The following MYOZ3 variants were observed in gnomAD, a reference collection of about 807,000 sequenced individuals.
MYOZ3 encodes myozenin-3.
A neutral mutation model predicts 26.5 loss-of-function variants in MYOZ3; 19 were observed. That is an observed-to-expected ratio of 0.72 (90% CI 0.50 to 1.05). The LOEUF (loss-of-function observed/expected upper bound fraction) is 1.05, where lower values mean the gene tolerates loss of function less well. Ranked by LOEUF, MYOZ3 falls within the 50% of genes least tolerant of loss-of-function variation. MYOZ3 has a pLI of 0.00. For synonymous variants in MYOZ3, 135 were observed against 138.8 expected (o/e 0.97, Z 0.19); for missense variants, 322 against 337.1 (o/e 0.96, Z 0.35).
Position 150,671,692 on chromosome 5 carries a change from AG to A in MYOZ3, c.270+46del, listed in dbSNP as rs778149821. On this transcript the variant is annotated intron_variant, in intron 4 of 6. Transcript: ENST00000517768. ...GCTCCCTGGAAGGGAAGCTGGGGGA[AG>A]GGGAGCGCGGCTGGGGGCGGGAGGT... 3 of 1,608,536 alleles carry A rather than the reference AG, an allele frequency of 1.9e-6. No individual in the cohort carries two copies. In the South Asian group the frequency reaches 3.3e-5, roughly 18 times the overall value.
Position 150,677,210 on chromosome 5 carries a change from T to A in MYOZ3, c.*335T>A, listed in dbSNP as rs556852241. ...ACTTTGGGAGGCCGAGGCAGGAGGA[T>A]CACCTGAGGTCAGGAGTTTGAGACC... On this transcript the variant is annotated 3_prime_UTR_variant, in exon 7 of 7. Coordinates refer to ENST00000517768, the MANE Select transcript of MYOZ3 (RefSeq NM_001122853.3). The A allele has an allele frequency of 4.8e-5, 9 of 189,320 alleles. No individual in the cohort carries two copies. The highest frequency in any genetic ancestry group is 8.8e-5 in the Non-Finnish European group (8 of 91,230). The allele number at this position is 189,320 out of a possible 1,614,324, so 11.7% of individuals were successfully genotyped here.
rs116090320 is a variant in MYOZ3 at position 150,678,851 on chromosome 5, A to G, written c.*1976A>G. 11,269 of 152,460 alleles carry G rather than the reference A, an allele frequency of 0.074. 554 individuals are homozygous for G. Among genetic ancestry groups the G allele is most frequent in the Middle Eastern group, 0.12 (36 of 296 alleles). 9.4% of individuals were successfully genotyped at this position (152,460 alleles called of 1,614,324 possible). A position where few individuals can be genotyped will look rare whatever the true frequency, so the allele number is the denominator to read the frequency against. Reference sequence around the variant, plus strand: ...GATGCAGCATGAGAAGCTGGCTGCTAAGATGTCACTGGGGGTCACTAAAGC... The same window carrying G: ...GATGCAGCATGAGAAGCTGGCTGCTGAGATGTCACTGGGGGTCACTAAAGC... On this transcript the variant is annotated 3_prime_UTR_variant, in exon 7 of 7. Coordinates refer to ENST00000517768, the MANE Select transcript of MYOZ3 (RefSeq NM_001122853.3).
rs1375818397 is a variant in MYOZ3, at chr5:150,677,347, A to C, written c.*472A>C. 1 of 153,196 alleles carries C rather than the reference A, an allele frequency of 6.5e-6. No homozygotes were observed. The highest frequency in any genetic ancestry group is 1.5e-5 in the Non-Finnish European group (1 of 68,610). The allele number at this position is 153,196 out of a possible 1,614,324, so 9.5% of individuals were successfully genotyped here. On this transcript the variant is annotated 3_prime_UTR_variant, in exon 7 of 7. Coordinates refer to ENST00000517768, the MANE Select transcript of MYOZ3 (RefSeq NM_001122853.3). ...CTTGGGAGGCTGAGACAGGAGAATC[A>C]CTTGAACTAGGAGGCAGAGGTTGCA...
At chr5:150,667,123 T>TA (rs969021917) in intron 2 of MYOZ3, among the ~76,000 whole-genome samples, 205 of 151,708 alleles carry the variant, frequency 1.4e-3, no homozygotes, top group African/African-American at 2.9e-3. Flanking sequence ...GTTGAAAGAA[T>TA]AAAAAAAAAT....
At chr5:150,662,611 C>A (rs1167373517) in intron 1 of MYOZ3, among the ~76,000 whole-genome samples, 1 of 152,164 alleles carries the variant, frequency 6.6e-6, no homozygotes, top group African/African-American at 2.4e-5. Flanking sequence ...TTTGCCTGCC[C>A]CACCCGGATG....
Position 150,676,697 on chromosome 5 carries a change from CT to C in MYOZ3, c.588-7del. On this transcript the variant is annotated splice_polypyrimidine_tract_variant and intron_variant, in intron 6 of 6. Transcript: ENST00000517768. ...CACAGCCCACCTCTCCTGCTGCTCT[CT>C]TTCTCCAGGACCCCGGTGCCATTTG... 6.2e-7 allele frequency: 1 copy of C among 1,612,714 alleles called. No homozygotes were observed. Among genetic ancestry groups the C allele is most frequent in the South Asian group, 1.1e-5 (1 of 90,928 alleles).
chr5:150,672,438 C>T lies in MYOZ3; in HGVS notation c.523C>T (p.Arg175Trp). The T allele has an allele frequency of 6.2e-7, 1 of 1,612,546 alleles. No individual in the cohort carries two copies. The highest frequency in any genetic ancestry group is 1.1e-5 in the South Asian group (1 of 90,822). Residue 175 changes from arginine to tryptophan, a missense_variant, in exon 6 of 7, where the codon CGG becomes TGG. Transcript: ENST00000517768. ...RCPWQEFVSY[R>W]DYQSDGRSHT... is the part of the protein sequence containing the mutation. ...CCCTTGGCAGGAGTTCGTCAGCTAC[C>T]GGGACTACCAGAGCGATGGCCGAAG... is the stretch of plus-strand genomic sequence containing the variant.
chr5:150,662,854 C>A, intron 1 of MYOZ3, 87 bp from the exon 2 acceptor site: 2 of 1,230,972 alleles, frequency 1.6e-6, no homozygotes, highest in Non-Finnish European at 2.4e-6. Context: ...CTGTTCAGGA[C>A]TGGGGCAGGG....
In MYOZ3 at chr5:150,679,359, TAAGC is replaced by T. The variant is rs1481642676; in HGVS notation, c.*2488_*2491del. On this transcript the variant is annotated 3_prime_UTR_variant, in exon 7 of 7. Transcript: ENST00000517768. Reference sequence around the variant, plus strand: ...CATTGTAAAAATAAAAAAATAATAATAAGCAAGGAGTAAAATGTGAAGTGTCTGC... The same window carrying T: ...CATTGTAAAAATAAAAAAATAATAATAAGGAGTAAAATGTGAAGTGTCTGC... The T allele has an allele frequency of 2.0e-5, 3 of 152,068 alleles. No homozygotes were observed. Among genetic ancestry groups the T allele is most frequent in the South Asian group, 2.1e-4 (1 of 4,816 alleles). The allele number at this position is 152,068 out of a possible 1,614,324, so 9.4% of individuals were successfully genotyped here.
At position 150,670,558 on chromosome 5, in the gene MYOZ3, A is replaced by C; in HGVS notation, c.136A>C (p.Asn46His). ...GATGGAGGAGCTGTCACTACGCAACAACAGAGGGTCCCTCCTCTTCCAGAA... is the reference window on the plus strand; with the variant it reads ...GATGGAGGAGCTGTCACTACGCAACCACAGAGGGTCCCTCCTCTTCCAGAA... ...LMMEELSLRN[N>H]RGSLLFQKRQ... Residue 46 changes from asparagine to histidine, a missense_variant, in exon 3 of 7, where the codon AAC becomes CAC. Asn to His is a moderately conservative substitution (Grantham distance 68, BLOSUM62 1). Transcript: ENST00000517768. 6.2e-7 allele frequency: 1 copy of C among 1,613,404 alleles called. No individual in the cohort carries two copies. Among genetic ancestry groups the C allele is most frequent in the South Asian group, 1.1e-5 (1 of 90,948 alleles).
At chr5:150,674,949 G>A (rs1758979931) in intron 6 of MYOZ3, among the ~76,000 whole-genome samples, 1 of 152,220 alleles carries the variant, frequency 6.6e-6, no homozygotes, top group South Asian at 2.1e-4. Context: ...GGCGGAGGTT[G>A]CAGTGTGCCG....
At chr5:150,668,792 A>G (rs1446477038) in intron 2 of MYOZ3, among the ~76,000 whole-genome samples, 1 of 152,224 alleles carries the variant, frequency 6.6e-6, no homozygotes, top group African/African-American at 2.4e-5. Flanking sequence ...ATGGGTCTCA[A>G]ACTACTAAGA....
At position 150,677,129 on chromosome 5, in the gene MYOZ3, T is replaced by C. The variant is rs1237848760; in HGVS notation, c.*254T>C. 1.8e-5 allele frequency: 7 copies of C among 381,006 alleles called. No homozygotes were observed. Among genetic ancestry groups the C allele is most frequent in the Non-Finnish European group, 2.9e-5 (6 of 209,852 alleles). 23.6% of individuals were successfully genotyped at this position (381,006 alleles called of 1,614,324 possible). A position where few individuals can be genotyped will look rare whatever the true frequency, so the allele number is the denominator to read the frequency against. ...TCAGAGTCTCCTGAGTCGAGGAATC[T>C]GTATTATTAATAGCAACCAGGGCCG... On this transcript the variant is annotated 3_prime_UTR_variant, in exon 7 of 7. Transcript: ENST00000517768.
In MYOZ3 at chr5:150,673,528, G is replaced by A. The variant is rs531385185; in HGVS notation, c.587+1026G>A. 1.2e-4 allele frequency among the ~76,000 whole-genome samples: 18 copies of A among 152,210 alleles called. No individual in the cohort carries two copies. The East Asian group carries it at 3.1e-3, about 26-fold the overall frequency. On this transcript the variant is annotated intron_variant, in intron 6 of 6. Coordinates refer to ENST00000517768, the MANE Select transcript of MYOZ3 (RefSeq NM_001122853.3). The stretch of plus-strand genomic sequence containing the variant: ...GCTAATTTTTTGTATTTTTAGTAGA[G>A]ACAGGGTTTCACTATGTTGGCCGGG...
At chr5:150,675,582 A>G (rs111900265) in intron 6 of MYOZ3, among the ~76,000 whole-genome samples, 13,397 of 152,164 alleles carry the variant, frequency 0.088, 1,836 homozygotes, top group African/African-American at 0.29. Flanking sequence ...CATGTGGGCC[A>G]GGCTGGTCTC....
chr5:150,676,953 C>T lies in MYOZ3; in HGVS notation c.*78C>T. 9 of 1,446,876 alleles carry T rather than the reference C, an allele frequency of 6.2e-6. No individual in the cohort carries two copies. In the South Asian group the frequency reaches 8.4e-5, roughly 14 times the overall value. 89.6% of individuals were successfully genotyped at this position (1,446,876 alleles called of 1,614,324 possible). A position where few individuals can be genotyped will look rare whatever the true frequency, so the allele number is the denominator to read the frequency against. On this transcript the variant is annotated 3_prime_UTR_variant, in exon 7 of 7. Transcript: ENST00000517768. ...GCCAAGACTTGTGGACAGCACTTCA[C>T]AGTTGAAGAAGGGCCTTCACACACA...
intron 3 of MYOZ3, 105 bp downstream of exon 3, chr5:150,670,743 A>G: frequency 8.9e-7 from 1 of 1,129,434 alleles, no homozygotes; most frequent in Non-Finnish European, 1.2e-6. Flanking sequence ...TGATGTTCCC[A>G]TCAGATTAGG....
chr5:150,677,731 T>G lies in MYOZ3; in HGVS notation c.*856T>G, dbSNP rs1323617307. The G allele has an allele frequency of 6.6e-6, 1 of 152,220 alleles. No individual in the cohort carries two copies. The highest frequency in any genetic ancestry group is 1.5e-5 in the Non-Finnish European group (1 of 68,068). 9.4% of individuals were successfully genotyped at this position (152,220 alleles called of 1,614,324 possible). On this transcript the variant is annotated 3_prime_UTR_variant, in exon 7 of 7. Transcript: ENST00000517768. ...CCGGGCCTCGAGGAGGAAAAGACAG[T>G]AGGGAAGACATTATAGAGCATGAAG...
At chr5:150,676,263 T>C (rs1759003961) in intron 6 of MYOZ3, among the ~76,000 whole-genome samples, 1 of 151,964 alleles carries the variant, frequency 6.6e-6, no homozygotes, top group Non-Finnish European at 1.5e-5. Flanking sequence ...ATGTACAGAA[T>C]TGCTGGGTGC....
Sources: allele counts gnomAD v4.1 joint callset (sites outside exome capture counted in the v4.1 genomes callset), GRCh38; gene constraint gnomAD v4.1.1; transcripts MANE v1.5; gene names NCBI Gene and HGNC (gene_info 2026-07-23, HGNC 2026-07-21).